The following FSTL4 variants were observed in gnomAD, a reference collection of about 807,000 sequenced individuals.
The protein encoded by FSTL4 is follistatin like 4, also known as follistatin-related protein 4.
In FSTL4, 28 loss-of-function variants were observed where a neutral mutation model predicts 78.2. That is an observed-to-expected ratio of 0.36 (90% CI 0.27 to 0.49). The LOEUF is 0.49. Among genes scored for constraint, FSTL4 ranks in the 20% least tolerant of loss-of-function variants. The probability of loss-of-function intolerance (pLI) is 0.98; values close to 1 mark genes in which losing one functional copy is unlikely to be tolerated. For missense variants in FSTL4, 922 were observed against 1,084.9 expected, an observed-to-expected ratio of 0.85 and a Z score of 2.11; for synonymous variants, 422 against 440.5, an observed-to-expected ratio of 0.96 and a Z score of 0.53.
chr5:133,492,099 T>C (rs1758277849), intron 3 of FSTL4, among the ~76,000 whole-genome samples: 2 of 152,160 alleles, frequency 1.3e-5, no homozygotes, highest in South Asian at 4.1e-4. Context: ...CTTTTACAGG[T>C]TACCCTTAAA....
chr5:133,287,855 A>G (rs1444796148), intron 6 of FSTL4, among the ~76,000 whole-genome samples: 1 of 152,108 alleles, frequency 6.6e-6, no homozygotes, highest in Non-Finnish European at 1.5e-5. Context: ...AATGCCAAAC[A>G]CCACCTCCTC....
Position 133,338,942 on chromosome 5 carries a change from A to AT in FSTL4, c.410-22291dup, listed in dbSNP as rs1430272684. ...CCATTAACACCCCCGGATGACCACTATGCCTCCGATCATGTCCCCACCAAT... is the reference window on the plus strand; with the variant it reads ...CCATTAACACCCCCGGATGACCACTATTGCCTCCGATCATGTCCCCACCAAT... On this transcript the variant is annotated intron_variant, in intron 4 of 15. Coordinates refer to ENST00000265342, the MANE Select transcript of FSTL4 (RefSeq NM_015082.2). This position sits in a 1 kb window ranked among gnomAD's most constrained non-coding sequence, Gnocchi z 4.0. 2.0e-5 allele frequency among the ~76,000 whole-genome samples: 3 copies of AT among 151,970 alleles called. No homozygotes were observed. The highest frequency in any genetic ancestry group is 6.6e-5 in the Admixed American group (1 of 15,258).
the FSTL4 span, among the ~76,000 whole-genome samples, chr5:133,829,003 G>GCCTC: frequency 1.9e-4 from 29 of 152,184 alleles, no homozygotes; most frequent in Non-Finnish European, 1.9e-4. Flanking sequence ...ACACGGCAGA[G>GCCTC]CCTCCCGGGG....
the FSTL4 span, among the ~76,000 whole-genome samples, chr5:133,650,098 G>C: frequency 6.6e-6 from 1 of 152,102 alleles, no homozygotes; most frequent in Non-Finnish European, 1.5e-5. Flanking sequence ...GCAAGAGAGA[G>C]TGGGGAAGTG....
intron 6 of FSTL4, among the ~76,000 whole-genome samples, chr5:133,285,099 A>G (rs1232639383): frequency 1.3e-5 from 2 of 152,236 alleles, no homozygotes; most frequent in Non-Finnish European, 2.9e-5. Flanking sequence ...CATTGAGTCA[A>G]TAGGCACACC....
rs748283242 is a variant in FSTL4, at chr5:133,567,217, C to T, written c.129G>A (p.Glu43=). 6.2e-7 allele frequency: 1 copy of T among 1,606,834 alleles called. No homozygotes were observed. Among genetic ancestry groups the T allele is most frequent in the East Asian group, 2.2e-5 (1 of 44,852 alleles). ...DVGVGESQAE[E]PRSFEVTRRE... ...TTCTTGTGACTTCAAAGCTTCTGGG[C>T]TCCTGCAAGAAAAGAAAGACTTTGT... Residue 43 remains glutamate, a splice_region_variant and synonymous_variant, in exon 3 of 16, where the codon GAG becomes GAA. Transcript: ENST00000265342.
At chr5:133,279,552 C>T (rs1561654724) in intron 6 of FSTL4, among the ~76,000 whole-genome samples, 2 of 152,200 alleles carry the variant, frequency 1.3e-5, no homozygotes, top group Non-Finnish European at 2.9e-5. Context: ...TGGCCACGTG[C>T]ACACATCTCC....
At position 133,199,159 on chromosome 5, in the gene FSTL4, G is replaced by A. The variant is rs375184077; in HGVS notation, c.2465C>T (p.Thr822Met). 2.2e-5 allele frequency: 35 copies of A among 1,605,410 alleles called. No homozygotes were observed. In the African/African-American group the frequency reaches 2.3e-4, roughly 10 times the overall value. The change falls in exon 16 of 16, where the codon ACG becomes ATG. Residue 822 changes from threonine (T) to methionine (M), a missense_variant. Thr to Met is a moderately conservative substitution (Grantham distance 81). Coordinates refer to ENST00000265342, the MANE Select transcript of FSTL4 (RefSeq NM_015082.2). The surrounding 1 kb of genome is among the most constrained non-coding windows in gnomAD (Gnocchi z 4.4). ...SLFLINGRQN[T>M]LRCEVSGIKG... ...TATACCTGACACCTCACACCGCAGC[G>A]TGTTTTGTCTCCCATTGATGAGGAA...
intron 6 of FSTL4, among the ~76,000 whole-genome samples, chr5:133,308,576 G>A (rs899498897): frequency 2.6e-5 from 4 of 152,206 alleles, no homozygotes; most frequent in Admixed American, 2.0e-4. Flanking sequence ...TGGAAGTCTG[G>A]TATGGGGCCA....
At chr5:133,664,218 C>A in the FSTL4 span, among the ~76,000 whole-genome samples, 3 of 152,020 alleles carry the variant, frequency 2.0e-5, no homozygotes, top group Admixed American at 1.3e-4. Flanking sequence ...TTCAAGGGAC[C>A]CATTCTACTC....
At chr5:133,352,249 CACACATATATATAT>C (rs1282179069) in intron 4 of FSTL4, among the ~76,000 whole-genome samples, 13 of 113,016 alleles carry the variant, frequency 1.2e-4, no homozygotes, top group South Asian at 2.7e-4. Context: ...TATATATATA[CACACATATATATAT>C]ACACACATAT....
At chr5:133,522,900 G>A (rs2112899673) in intron 3 of FSTL4, among the ~76,000 whole-genome samples, 1 of 152,270 alleles carries the variant, frequency 6.6e-6, no homozygotes, top group South Asian at 2.1e-4. Flanking sequence ...TATTACTTTT[G>A]TATTTTAATC....
chr5:133,374,600 G>A (rs1350571519), intron 4 of FSTL4, among the ~76,000 whole-genome samples: 1 of 152,122 alleles, frequency 6.6e-6, no homozygotes, highest in Non-Finnish European at 1.5e-5. Flanking sequence ...TTCATATGCT[G>A]AAGCATAAAT....
the FSTL4 span, among the ~76,000 whole-genome samples, chr5:133,764,672 C>G: frequency 1.3e-5 from 2 of 152,228 alleles, no homozygotes; most frequent in African/African-American, 2.4e-5. Context: ...TTAGAAACCT[C>G]TGAGCAAAGA....
At chr5:133,626,503 C>G in the FSTL4 span, among the ~76,000 whole-genome samples, 1 of 150,220 alleles carries the variant, frequency 6.7e-6, no homozygotes, top group African/African-American at 2.5e-5. Context: ...GCACTTGGCC[C>G]TCTTTTCTAA....
chr5:133,337,409 C>T (rs1361716470), intron 4 of FSTL4, among the ~76,000 whole-genome samples: 2 of 152,172 alleles, frequency 1.3e-5, no homozygotes, highest in African/African-American at 4.8e-5. Flanking sequence ...GGGCAGCTGG[C>T]TCTGCTTGTT....
chr5:133,256,793 C>T (rs1033278977), intron 6 of FSTL4, among the ~76,000 whole-genome samples: 11 of 152,206 alleles, frequency 7.2e-5, no homozygotes, highest in African/African-American at 2.4e-5. Context: ...TGTTTCCTTA[C>T]GTGTAACCAG....
chr5:133,251,609 C>G (rs539631381), intron 6 of FSTL4, among the ~76,000 whole-genome samples: 1 of 152,068 alleles, frequency 6.6e-6, no homozygotes, highest in Admixed American at 6.6e-5. Flanking sequence ...ATCTAAACCC[C>G]GAACTTTAGT....
intron 3 of FSTL4, among the ~76,000 whole-genome samples, chr5:133,549,379 T>C (rs1201853022): frequency 6.6e-6 from 1 of 152,186 alleles, no homozygotes; most frequent in Non-Finnish European, 1.5e-5. Context: ...AAAATTTCAA[T>C]TACCTTTTTT....
Sources: gnomAD v4.1 joint callset for allele counts (sites outside exome capture counted in the v4.1 genomes callset) on GRCh38, gnomAD v4.1.1 for gene constraint, Gnocchi (gnomAD v3.1) non-coding constraint, MANE v1.5 for transcripts, NCBI Gene and HGNC (gene_info 2026-07-23, HGNC 2026-07-21) for gene names.